Variants in SGF29 observed in about 807,000 individuals in gnomAD.
SGF29 encodes the protein SAGA complex associated factor 29.
SGF29 carries 15 observed loss-of-function variants against 38.1 expected under a neutral mutation model. The observed-to-expected ratio is 0.39, with a 90% confidence interval of 0.26 to 0.61. The LOEUF is 0.61. Among genes scored for constraint, SGF29 ranks in the 20% least tolerant of loss-of-function variants. SGF29 has a pLI of 0.49. For missense variants in SGF29, 184 were observed against 394.6 expected (o/e 0.47, Z 4.52); for synonymous variants, 151 against 160.8 (o/e 0.94, Z 0.46).
intron 1 of SGF29, among the ~76,000 whole-genome samples, chr16:28,574,810 A>G (rs2046884071): frequency 1.3e-5 from 2 of 152,186 alleles, no homozygotes; most frequent in South Asian, 4.1e-4. Flanking sequence ...AGACTTTAGC[A>G]ACAGCCTGCA....
At chr16:28,564,178 A>G (rs960483698) in intron 1 of SGF29, among the ~76,000 whole-genome samples, 8 of 152,112 alleles carry the variant, frequency 5.3e-5, no homozygotes, top group Non-Finnish European at 1.0e-4. Flanking sequence ...CTGTGCAGCA[A>G]TGCTGTTAAC....
At chr16:28,564,587 A>G (rs1307556944) in intron 1 of SGF29, among the ~76,000 whole-genome samples, 1 of 130,576 alleles carries the variant, frequency 7.7e-6, no homozygotes, top group Non-Finnish European at 1.6e-5. Context: ...ACACGTATAT[A>G]TATACACACA....
rs750137474 is a variant in SGF29 at position 28,591,749 on chromosome 16, G to A, written c.*43G>A. The A allele has an allele frequency of 1.4e-6, 2 of 1,463,306 alleles. No individual in the cohort carries two copies. The highest frequency in any genetic ancestry group is 2.3e-5 in the South Asian group (2 of 86,940). The allele number at this position is 1,463,306 out of a possible 1,614,324, so 90.6% of individuals were successfully genotyped here. On this transcript the variant is annotated 3_prime_UTR_variant, in exon 10 of 10. Transcript: ENST00000317058. ...GCCATCCCCCAACGACACAGGGCAG[G>A]ACAGCAGAGGACGTGCTGGGATTAA...
intron 1 of SGF29, among the ~76,000 whole-genome samples, chr16:28,574,329 GCT>G (rs1401424600): frequency 2.0e-5 from 3 of 152,208 alleles, no homozygotes; most frequent in Non-Finnish European, 4.4e-5. Flanking sequence ...TGCACAGTGT[GCT>G]CCTTACCCTT....
intron 1 of SGF29, among the ~76,000 whole-genome samples, chr16:28,564,537 A>ATGTATATATATATG (rs1567285563): frequency 1.9e-5 from 2 of 107,410 alleles, no homozygotes; most frequent in Non-Finnish European, 1.9e-5. Flanking sequence ...GTATATATAT[A>ATGTATATATATATG]TGTATATATA....
intron 1 of SGF29, among the ~76,000 whole-genome samples, chr16:28,566,960 G>A (rs890347738): frequency 3.9e-5 from 6 of 152,122 alleles, no homozygotes; most frequent in Admixed American, 1.3e-4. Context: ...GTGAGCCACC[G>A]TACCCCACCA....
At chr16:28,576,683 A>G (rs2046896036) in intron 1 of SGF29, among the ~76,000 whole-genome samples, 1 of 152,164 alleles carries the variant, frequency 6.6e-6, no homozygotes, top group African/African-American at 2.4e-5. Flanking sequence ...TTGGGCAACA[A>G]GGCTAGAATC....
chr16:28,576,813 G>A (rs1345554735), intron 1 of SGF29, among the ~76,000 whole-genome samples: 1 of 152,078 alleles, frequency 6.6e-6, no homozygotes, highest in Non-Finnish European at 1.5e-5. Flanking sequence ...ATCAGTTCAT[G>A]AACTGACATG....
intron 4 of SGF29, 121 bp from the exon 5 acceptor site, chr16:28,588,979 A>C: frequency 1.0e-6 from 1 of 995,732 alleles, no homozygotes; most frequent in Non-Finnish European, 1.6e-6. Flanking sequence ...CTACTGTGAG[A>C]ACCTCTGGAG....
At chr16:28,565,114 C>A (rs188736186) in intron 1 of SGF29, among the ~76,000 whole-genome samples, 1 of 152,070 alleles carries the variant, frequency 6.6e-6, no homozygotes, top group African/African-American at 2.4e-5. Context: ...AGAGCCAGCA[C>A]GCGGACTCAG....
intron 2 of SGF29, among the ~76,000 whole-genome samples, chr16:28,583,394 C>G (rs1358845880): frequency 6.6e-6 from 1 of 152,188 alleles, no homozygotes; most frequent in Non-Finnish European, 1.5e-5. Context: ...CCCCCCCCAA[C>G]CCCAATCCAT....
chr16:28,580,522 C>T (rs2046919031), intron 1 of SGF29, among the ~76,000 whole-genome samples: 1 of 152,128 alleles, frequency 6.6e-6, no homozygotes, highest in Non-Finnish European at 1.5e-5. Context: ...CAAGTCCAGT[C>T]GCTGCTTCTG....
intron 1 of SGF29, among the ~76,000 whole-genome samples, chr16:28,569,675 G>GT (rs1704652281): frequency 1.3e-5 from 2 of 152,148 alleles, no homozygotes; most frequent in African/African-American, 4.8e-5. Flanking sequence ...AAGAATAAAT[G>GT]TATTTGGAGA....
chr16:28,587,902 C>T (rs960733863), intron 4 of SGF29, among the ~76,000 whole-genome samples: 4 of 152,084 alleles, frequency 2.6e-5, no homozygotes, highest in Admixed American at 6.5e-5. Context: ...AAGGTTCAAG[C>T]GATTCTCTTG....
intron 1 of SGF29, among the ~76,000 whole-genome samples, chr16:28,561,078 A>T (rs182622671): frequency 7.9e-5 from 12 of 152,264 alleles, no homozygotes; most frequent in South Asian, 2.1e-4. Context: ...AAATTTTTTT[A>T]AAAATTTAAA....
chr16:28,560,737 G>A (rs1017951212), intron 1 of SGF29, among the ~76,000 whole-genome samples: 14 of 152,060 alleles, frequency 9.2e-5, no homozygotes, highest in South Asian at 2.1e-4. Context: ...CAAGGCAGGC[G>A]GATCACGAGG....
chr16:28,588,933 A>G (rs2046970657), intron 4 of SGF29, among the ~76,000 whole-genome samples, 167 bp from the exon 5 acceptor site: 1 of 152,094 alleles, frequency 6.6e-6, no homozygotes, highest in South Asian at 2.1e-4. Flanking sequence ...CAGAACAGGA[A>G]CCTGCACACA....
intron 3 of SGF29, chr16:28,585,321 G>T: frequency 7.5e-6 from 4 of 531,624 alleles, no homozygotes; most frequent in Non-Finnish European, 1.0e-5. Context: ...CAGGTGGTGA[G>T]ATCCTGGGGC....
intron 1 of SGF29, among the ~76,000 whole-genome samples, chr16:28,564,878 G>C (rs1247443741): frequency 6.7e-6 from 1 of 149,988 alleles, no homozygotes; most frequent in African/African-American, 2.5e-5. Context: ...GAAATCCCAT[G>C]ATAGGCCATC....
Sources: allele counts gnomAD v4.1 joint callset (sites outside exome capture counted in the v4.1 genomes callset), GRCh38; gene constraint gnomAD v4.1.1; transcripts MANE v1.5; gene names NCBI Gene and HGNC (gene_info 2026-07-23, HGNC 2026-07-21).